The following CSPG4 variants were observed in gnomAD, a reference collection of about 807,000 sequenced individuals.
CSPG4 encodes chondroitin sulfate proteoglycan 4 (melanoma-associated).
In CSPG4, 74 loss-of-function variants were observed where a neutral mutation model predicts 139.3. That is an observed-to-expected ratio of 0.53 (90% CI 0.44 to 0.64). The LOEUF (loss-of-function observed/expected upper bound fraction) is 0.64, where lower values mean the gene tolerates loss of function less well. CSPG4 is among the 30% of genes least tolerant of loss of function. The pLI is 0.00. For synonymous variants in CSPG4, 1,234 were observed against 1,394.2 expected (o/e 0.89, Z 2.56); for missense variants, 2,565 against 3,148.3 (o/e 0.81, Z 4.43).
chr15:75,686,458 A>C (rs188197698), intron 3 of CSPG4, among the ~76,000 whole-genome samples: 4,507 of 151,638 alleles, frequency 0.03, 84 homozygotes, highest in South Asian at 0.054. Flanking sequence ...CAAAGGCCAC[A>C]CGGGCTCCCT....
intron 1 of CSPG4, among the ~76,000 whole-genome samples, chr15:75,705,196 C>G (rs1894354871): frequency 6.6e-6 from 1 of 152,184 alleles, no homozygotes; most frequent in African/African-American, 2.4e-5. Context: ...GGCCTCAGCC[C>G]AGTTAGCCAC....
Position 75,687,642 on chromosome 15 carries a change from G to A in CSPG4, c.3423C>T (p.Gly1141=). Residue 1141 remains glycine, a synonymous_variant, in exon 3 of 10, where the codon GGC becomes GGT. Coordinates refer to ENST00000308508, the MANE Select transcript of CSPG4 (RefSeq NM_001897.5). This position sits in a 1 kb window ranked among gnomAD's most constrained non-coding sequence, Gnocchi z 5.4. The part of the protein sequence containing the change: ...NGSSLVVPQG[G]QGTIDTAVLH... ...GCACGGCCGTGTCGATGGTGCCCTG[G>A]CCTCCTTGAGGGACCACAAGGCTGG... is the stretch of plus-strand genomic sequence containing the variant. 1 of 1,612,748 alleles carries A rather than the reference G, an allele frequency of 6.2e-7. No individual in the cohort carries two copies. The highest frequency in any genetic ancestry group is 8.5e-7 in the Non-Finnish European group (1 of 1,179,878).
chr15:75,713,285 T>G (rs2141445132), upstream of CSPG4, among the ~76,000 whole-genome samples: 2 of 152,254 alleles, frequency 1.3e-5, no homozygotes, highest in Middle Eastern at 3.4e-3. Flanking sequence ...GGAGGTCCCC[T>G]AGGAACTTCT....
Position 75,676,117 on chromosome 15 carries a change from G to T in CSPG4, c.6402C>A (p.Ala2134=). ...TGAGACTGTCACCTGCGGGGCCGGG[G>T]GCCCTCCCCTCTGGCCTGCCCACCT... ...GLEVGRPEGR[A]PGPAGDSLTL... Residue 2134 remains alanine, a synonymous_variant, in exon 10 of 10, where the codon GCC becomes GCA. Transcript: ENST00000308508. 1 of 1,536,942 alleles carries T rather than the reference G, an allele frequency of 6.5e-7. No homozygotes were observed. Among genetic ancestry groups the T allele is most frequent in the Non-Finnish European group, 8.7e-7 (1 of 1,145,988 alleles).
At position 75,676,772 on chromosome 15, in the gene CSPG4, A is replaced by T; in HGVS notation, c.5747T>A (p.Ile1916Asn). 2 of 1,548,860 alleles carry T rather than the reference A, an allele frequency of 1.3e-6. No homozygotes were observed. The highest frequency in any genetic ancestry group is 1.7e-6 in the Non-Finnish European group (2 of 1,144,934). The change falls in exon 10 of 10, where the codon ATC becomes AAC. Residue 1916 changes from isoleucine to asparagine, a missense_variant. By Grantham distance (149) the Ile-to-Asn change is moderately radical. Transcript: ENST00000308508. Reference sequence around the variant, plus strand: ...CCCATCAGACATGCTCAGCTGGAAGATGCCTGCCACGCTGCTCCCGTTGGC... The same window carrying T: ...CCCATCAGACATGCTCAGCTGGAAGTTGCCTGCCACGCTGCTCCCGTTGGC... ...FVANGSSVAG[I>N]FQLSMSDGAS... is the part of the protein sequence containing the mutation.
chr15:75,712,842 T>A lies in CSPG4; in HGVS notation c.-87A>T. 8.3e-7 allele frequency: 1 copy of A among 1,204,322 alleles called. No individual in the cohort carries two copies. Among genetic ancestry groups the A allele is most frequent in the Non-Finnish European group, 1.1e-6 (1 of 895,852 alleles). 74.6% of individuals were successfully genotyped at this position (1,204,322 alleles called of 1,614,324 possible). ...AGTGGAGCGAGCGCGGCTCTGCTCCTGGGCGCGGGCCGGCTCCGGGTGTCC... is the reference window on the plus strand; with the variant it reads ...AGTGGAGCGAGCGCGGCTCTGCTCCAGGGCGCGGGCCGGCTCCGGGTGTCC... On this transcript the variant is annotated 5_prime_UTR_variant, in exon 1 of 10. Coordinates refer to ENST00000308508, the MANE Select transcript of CSPG4 (RefSeq NM_001897.5).
At position 75,689,075 on chromosome 15, in the gene CSPG4, G is replaced by A; in HGVS notation, c.1990C>T (p.Gln664Ter). 2 of 1,608,038 alleles carry A rather than the reference G, an allele frequency of 1.2e-6. No individual in the cohort carries two copies. The highest frequency in any genetic ancestry group is 2.2e-5 in the East Asian group (1 of 44,796). Residue 664 changes from glutamine (Q) to a stop codon, truncating the protein, a stop_gained, in exon 3 of 10, where the codon CAG becomes TAG. Coordinates refer to ENST00000308508, the MANE Select transcript of CSPG4 (RefSeq NM_001897.5). LOFTEE classifies it high-confidence loss of function. ...LKVVAIRPAI[Q>*]IHRSTGLRLA... ...CGCAACCCTGTGCTGCGGTGGATCT[G>A]TATGGCCGGCCGGATGGCCACCACC...
At chr15:75,694,095 T>C (rs918357080) in intron 1 of CSPG4, among the ~76,000 whole-genome samples, 1 of 152,226 alleles carries the variant, frequency 6.6e-6, no homozygotes, top group East Asian at 1.9e-4. Flanking sequence ...GCTGAGTTCC[T>C]AACTTCCCCA....
At chr15:75,683,291 G>C (rs918676378) in intron 5 of CSPG4, among the ~76,000 whole-genome samples, 2 of 152,134 alleles carry the variant, frequency 1.3e-5, no homozygotes, top group African/African-American at 4.8e-5. Context: ...CCCTAGTCCT[G>C]TGTGTCCCTC....
At position 75,688,560 on chromosome 15, in the gene CSPG4, T is replaced by C. The variant is rs1193218091; in HGVS notation, c.2505A>G (p.Gln835=). ...CATCTGACAGCCTTGTGCCCTGTAG[T>C]TGAAGGTTGCCTTTCCTGGGAGCCT... ...VVQAPRKGNL[Q]LQGTRLSDGQ... is the part of the protein sequence containing the mutation. Residue 835 remains glutamine (Q), a synonymous_variant, in exon 3 of 10, where the codon CAA becomes CAG. Coordinates refer to ENST00000308508, the MANE Select transcript of CSPG4 (RefSeq NM_001897.5). The C allele has an allele frequency of 1.2e-6, 2 of 1,613,040 alleles. No individual in the cohort carries two copies. The highest frequency in any genetic ancestry group is 1.1e-5 in the South Asian group (1 of 91,078).
chr15:75,683,953 A>G (rs1894016897), intron 5 of CSPG4, among the ~76,000 whole-genome samples: 1 of 152,166 alleles, frequency 6.6e-6, no homozygotes, highest in African/African-American at 2.4e-5. Context: ...GTTCCAGAGC[A>G]CTGTGTCCCA....
At chr15:75,695,625 T>A (rs1247471340) in intron 1 of CSPG4, among the ~76,000 whole-genome samples, 1 of 152,152 alleles carries the variant, frequency 6.6e-6, no homozygotes, top group Non-Finnish European at 1.5e-5. Flanking sequence ...TCTGAGGGGC[T>A]TCAGTTGCAA....
upstream of CSPG4, chr15:75,712,860 G>A: frequency 3.1e-6 from 3 of 954,094 alleles, no homozygotes; most frequent in South Asian, 5.5e-5. Flanking sequence ...GGCCGGCTCC[G>A]GGTGTCCGCG....
At chr15:75,686,833 C>A (rs1894065902) in intron 3 of CSPG4, among the ~76,000 whole-genome samples, 1 of 152,190 alleles carries the variant, frequency 6.6e-6, no homozygotes, top group Non-Finnish European at 1.5e-5. Flanking sequence ...GGGCAGAAGC[C>A]ACCCAGGTCT....
chr15:75,690,362 G>A lies in CSPG4; in HGVS notation c.703C>T (p.Arg235Trp), dbSNP rs538920272. ...GCCTGGAAGGCCAAGGGTGCCTGCC[G>A]GCTCTGTGTGGTGAGTGTAAACTCT... is the stretch of plus-strand genomic sequence containing the variant. ...TLEFTLTTQS[R>W]QAPLAFQAGG... Residue 235 changes from arginine (R) to tryptophan (W), a missense_variant, in exon 3 of 10, where the codon CGG becomes TGG. By Grantham distance (101) the Arg-to-Trp change is moderately radical (BLOSUM62 -3). This residue lies in a region of CSPG4 where 40 missense variants were observed against 89.0 expected (regional missense o/e 0.45). Transcript: ENST00000308508. The A allele has an allele frequency of 4.3e-6, 7 of 1,611,652 alleles. No individual in the cohort carries two copies. The highest frequency in any genetic ancestry group is 2.2e-5 in the East Asian group (1 of 44,874).
chr15:75,684,713 G>C lies in CSPG4; in HGVS notation c.4449+23C>G, dbSNP rs532754801. 10 of 1,600,774 alleles carry C rather than the reference G, an allele frequency of 6.2e-6. No individual in the cohort carries two copies. In the East Asian group the frequency reaches 2.2e-4, roughly 36 times the overall value. The stretch of plus-strand genomic sequence containing the variant: ...GCCTCTTTCTCGAAGCAGACATGGG[G>C]GTGTTCCCAGGGATGCTCTCACCTG... On this transcript the variant is annotated intron_variant, in intron 5 of 9. Coordinates refer to ENST00000308508, the MANE Select transcript of CSPG4 (RefSeq NM_001897.5).
At chr15:75,705,865 G>A (rs1221531059) in intron 1 of CSPG4, among the ~76,000 whole-genome samples, 1 of 152,142 alleles carries the variant, frequency 6.6e-6, no homozygotes, top group African/African-American at 2.4e-5. Flanking sequence ...ATGTGTCTGT[G>A]TGCATATGTG....
rs141657014 is a variant in CSPG4 at position 75,688,363 on chromosome 15, A to C, written c.2702T>G (p.Val901Gly). Residue 901 changes from valine to glycine, a missense_variant, in exon 3 of 10, where the codon GTC (valine) becomes GGC (glycine). Val to Gly is a moderately radical substitution (Grantham distance 109, BLOSUM62 -3). Coordinates refer to ENST00000308508, the MANE Select transcript of CSPG4 (RefSeq NM_001897.5). ...IHIGGDPDAPVLTNVLLVVPE... is the reference protein window; with the variant it reads ...IHIGGDPDAPGLTNVLLVVPE... ...CACCACGAGGAGGACATTGGTGAGG[A>C]CAGGCGCATCTGGGTCACCACCAAT... 1,478 of 1,613,354 alleles carry C rather than the reference A, an allele frequency of 9.2e-4. 3 individuals are homozygous for C. The highest frequency in any genetic ancestry group is 1.6e-3 in the Admixed American group (97 of 60,034).
In CSPG4 at chr15:75,684,803, G is replaced by T. The variant is rs779599543; in HGVS notation, c.4382C>A (p.Ala1461Asp). ...SEMDRQSHPV[A>D]FTVTVLPVND... ...GACAGGCAGGACAGTGACAGTGAAG[G>T]CCACAGGATGGCTCTGGCGATCCAT... The change falls in exon 5 of 10, where the codon GCC becomes GAC. Residue 1461 changes from alanine (A) to aspartate (D), a missense_variant. Coordinates refer to ENST00000308508, the MANE Select transcript of CSPG4 (RefSeq NM_001897.5). The T allele has an allele frequency of 1.2e-6, 2 of 1,613,572 alleles. No homozygotes were observed. The highest frequency in any genetic ancestry group is 1.7e-6 in the Non-Finnish European group (2 of 1,179,908).
Sources: gnomAD v4.1 joint callset for allele counts (sites outside exome capture counted in the v4.1 genomes callset) on GRCh38, gnomAD v4.1.1 for gene constraint, gnomAD v4.1.1 regional missense constraint, Gnocchi (gnomAD v3.1) non-coding constraint, MANE v1.5 for transcripts, NCBI Gene and HGNC (gene_info 2026-07-23, HGNC 2026-07-21) for gene names.